NDST4: variants seen among roughly 807,000 people sequenced by gnomAD.
NDST4 encodes N-heparan sulfate sulfotransferase 4.
A neutral mutation model predicts 100.8 loss-of-function variants in NDST4; 63 were observed. The ratio of observed to expected loss-of-function variants is 0.62; its 90% CI spans 0.51 to 0.77. The LOEUF is 0.77. Ranked by LOEUF, NDST4 falls within the 30% of genes least tolerant of loss-of-function variation. The probability of loss-of-function intolerance (pLI) is 0.00; values close to 1 mark genes in which losing one functional copy is unlikely to be tolerated. For missense variants in NDST4, 943 were observed against 1,018.4 expected, an observed-to-expected ratio of 0.93 and a Z score of 1.01; for synonymous variants, 377 against 361.8, an observed-to-expected ratio of 1.04 and a Z score of -0.48.
At chr4:114,942,687 T>A (rs1725775828) in intron 4 of NDST4, among the ~76,000 whole-genome samples, 1 of 152,044 alleles carries the variant, frequency 6.6e-6, no homozygotes, top group African/African-American at 2.4e-5. Context: ...GTGATGTGGC[T>A]GCACAAGCAA....
intron 2 of NDST4, among the ~76,000 whole-genome samples, chr4:115,055,198 G>A (rs1728668069): frequency 2.0e-5 from 3 of 152,078 alleles, no homozygotes; most frequent in Admixed American, 2.0e-4. Context: ...GGACCATTTA[G>A]TTGCAGGGAA....
rs528156295 is a variant in NDST4 at position 115,020,633 on chromosome 4, A to G, written c.979-43359T>C. Reference sequence around the variant, plus strand: ...GTAAATTGACAACCCACAGAGTGGGAGAAAATCTTCACAGTCTATACATCT... The same window carrying G: ...GTAAATTGACAACCCACAGAGTGGGGGAAAATCTTCACAGTCTATACATCT... On this transcript the variant is annotated intron_variant, in intron 2 of 13. Transcript: ENST00000264363. 2.0e-5 allele frequency among the ~76,000 whole-genome samples: 3 copies of G among 152,268 alleles called. 1 individual carries two copies. In the South Asian group the frequency reaches 6.2e-4, roughly 32 times the overall value.
chr4:115,039,345 A>C (rs1728299933), intron 2 of NDST4, among the ~76,000 whole-genome samples: 1 of 152,162 alleles, frequency 6.6e-6, no homozygotes, highest in African/African-American at 2.4e-5. Context: ...CACTAAATTT[A>C]GCCTAAAATC....
intron 2 of NDST4, among the ~76,000 whole-genome samples, chr4:115,071,940 A>G (rs1400693068): frequency 2.6e-5 from 4 of 152,154 alleles, no homozygotes; most frequent in African/African-American, 9.6e-5. Context: ...AATTTCTCAT[A>G]TTTATTCATT....
chr4:115,038,112 A>G (rs1167108102), intron 2 of NDST4, among the ~76,000 whole-genome samples: 2 of 152,184 alleles, frequency 1.3e-5, no homozygotes, highest in East Asian at 1.9e-4. Context: ...TTCAATTGAT[A>G]TTTGTTTAGC....
At chr4:114,869,961 T>C (rs1724112416) in intron 7 of NDST4, among the ~76,000 whole-genome samples, 1 of 152,136 alleles carries the variant, frequency 6.6e-6, no homozygotes. Flanking sequence ...ACAAAAAGTC[T>C]GTTTCACAGT....
At chr4:114,843,167 T>G (rs1723468853) in intron 10 of NDST4, among the ~76,000 whole-genome samples, 2 of 152,200 alleles carry the variant, frequency 1.3e-5, no homozygotes, top group South Asian at 4.1e-4. Context: ...CAGTTTCTTT[T>G]GTATACATAT....
At chr4:115,021,325 T>C (rs1727812436) in intron 2 of NDST4, among the ~76,000 whole-genome samples, 2 of 151,614 alleles carry the variant, frequency 1.3e-5, no homozygotes, top group African/African-American at 4.8e-5. Flanking sequence ...ATATACATAT[T>C]CCACATATAC....
chr4:114,852,296 C>T (rs1723695316), intron 8 of NDST4, among the ~76,000 whole-genome samples: 1 of 152,074 alleles, frequency 6.6e-6, no homozygotes, highest in South Asian at 2.1e-4. Context: ...GTAATCATGG[C>T]AGTGACTGAA....
At chr4:114,975,399 T>C (rs80146983) in intron 3 of NDST4, among the ~76,000 whole-genome samples, 7,099 of 152,250 alleles carry the variant, frequency 0.047, 193 homozygotes, top group Non-Finnish European at 0.066. Flanking sequence ...TCTATTGTTT[T>C]TGTTATACTG....
At chr4:114,894,112 A>G (rs983204534) in intron 6 of NDST4, among the ~76,000 whole-genome samples, 3 of 152,162 alleles carry the variant, frequency 2.0e-5, no homozygotes, top group African/African-American at 7.2e-5. Flanking sequence ...ATGTTATAAT[A>G]CTAGTACCAT....
At chr4:115,097,848 A>G (rs1392933820) in intron 1 of NDST4, among the ~76,000 whole-genome samples, 5 of 152,104 alleles carry the variant, frequency 3.3e-5, no homozygotes, top group Non-Finnish European at 7.4e-5. Context: ...ATATTCTCCA[A>G]ACATGCTGTG....
chr4:115,085,380 A>T (rs1729389607), intron 1 of NDST4, among the ~76,000 whole-genome samples: 1 of 152,058 alleles, frequency 6.6e-6, no homozygotes, highest in African/African-American at 2.4e-5. Flanking sequence ...ATGAGTTAAG[A>T]CTTTGGAGGA....
chr4:114,989,292 G>T (rs146263247), intron 2 of NDST4, among the ~76,000 whole-genome samples: 58 of 152,228 alleles, frequency 3.8e-4, no homozygotes, highest in African/African-American at 1.3e-3. Context: ...CTGTATGAAT[G>T]GTATCCTTTG....
intron 6 of NDST4, among the ~76,000 whole-genome samples, chr4:114,919,561 G>A (rs1283474709): frequency 6.6e-6 from 1 of 152,202 alleles, no homozygotes; most frequent in Non-Finnish European, 1.5e-5. Context: ...GAAGGATGGT[G>A]TGGTTATAGT....
chr4:114,959,281 C>G (rs1426950574), intron 4 of NDST4, among the ~76,000 whole-genome samples: 1 of 151,400 alleles, frequency 6.6e-6, no homozygotes, highest in Non-Finnish European at 1.5e-5. Context: ...AAAGTCACAT[C>G]CACAATTTTG....
chr4:114,942,240 G>A (rs1022745805), intron 4 of NDST4, among the ~76,000 whole-genome samples: 3 of 152,092 alleles, frequency 2.0e-5, no homozygotes, highest in Admixed American at 6.5e-5. Context: ...CATGACTTAC[G>A]TTAAGCACTT....
At chr4:114,846,129 A>T (rs1428351734) in intron 9 of NDST4, 132 bp from the exon 10 acceptor site, 2 of 771,296 alleles carry the variant, frequency 2.6e-6, no homozygotes, top group African/African-American at 3.5e-5. Flanking sequence ...TAGTTTAAAT[A>T]ATAGATATTC....
At chr4:114,975,691 A>G (rs76619561) in intron 3 of NDST4, among the ~76,000 whole-genome samples, 9 of 152,258 alleles carry the variant, frequency 5.9e-5, no homozygotes, top group South Asian at 2.1e-4. Context: ...ACTTCAGCCA[A>G]AAGAATGACT....
Sources: allele counts gnomAD v4.1 joint callset (sites outside exome capture counted in the v4.1 genomes callset), GRCh38; gene constraint gnomAD v4.1.1; transcripts MANE v1.5; gene names NCBI Gene and HGNC (gene_info 2026-07-23, HGNC 2026-07-21).